SYTL5: variants seen among roughly 807,000 people sequenced by gnomAD.
The protein encoded by SYTL5 is synaptotagmin-like protein 5.
Under a neutral mutation model 55.9 loss-of-function variants are expected in SYTL5, and 34 were observed. The ratio of observed to expected loss-of-function variants is 0.61; its 90% CI spans 0.46 to 0.81. The LOEUF (loss-of-function observed/expected upper bound fraction) is 0.81. Among genes scored for constraint, SYTL5 ranks in the 30% least tolerant of loss-of-function variants. SYTL5 has a pLI of 0.00. For missense variants in SYTL5, 637 were observed against 546.7 expected, an observed-to-expected ratio of 1.17 and a Z score of -1.65; for synonymous variants, 221 against 188.7, an observed-to-expected ratio of 1.17 and a Z score of -1.40.
chrX:37,904,684 G>A, the SYTL5 span, among the ~76,000 whole-genome samples: 1 of 110,992 alleles, frequency 9.0e-6, no homozygotes, highest in African/African-American at 3.3e-5. Context: ...TTATGGGGGA[G>A]ATCTCAGTTT....
the SYTL5 span, among the ~76,000 whole-genome samples, chrX:37,891,406 G>A: frequency 8.9e-6 from 1 of 112,208 alleles, no homozygotes; most frequent in African/African-American, 3.2e-5. Flanking sequence ...TTCGATATAT[G>A]TAAAATGTCC....
chrX:37,895,480 C>G, the SYTL5 span, among the ~76,000 whole-genome samples: 1 of 84,624 alleles, frequency 1.2e-5, no homozygotes, highest in South Asian at 6.1e-4. Context: ...CTCCCTCTCT[C>G]TCTCTTTTTT....
intron 2 of SYTL5, among the ~76,000 whole-genome samples, chrX:38,043,690 T>TATATATATATACACAC (rs1366385489): frequency 2.2e-4 from 15 of 69,554 alleles, no homozygotes; most frequent in Non-Finnish European, 3.4e-4. Flanking sequence ...TATATATATA[T>TATATATATATACACAC]ACATATATAT....
chrX:37,971,336 A>C, the SYTL5 span, among the ~76,000 whole-genome samples: 1 of 111,516 alleles, frequency 9.0e-6, no homozygotes, highest in East Asian at 2.8e-4. Context: ...TTACATCATA[A>C]GGTAAGAAGA....
chrX:38,106,054 G>A (rs1044771162), intron 10 of SYTL5, among the ~76,000 whole-genome samples: 31 of 111,827 alleles, frequency 2.8e-4, no homozygotes, highest in African/African-American at 9.8e-4. Context: ...GGTATGTGAT[G>A]TTCTTCTGAT....
Position 38,094,418 on chromosome X carries a change from T to C in SYTL5, c.955T>C (p.Ser319Pro), listed in dbSNP as rs765159259. ...CATAGCAGTGTCTGGAACCTCTCTC[T>C]CCTCAGGTGGGTATTTACAATGTGC... The part of the protein sequence containing the change: ...PSIAVSGTSL[S>P]SDQSRSELDL... The change falls in exon 8 of 17, where the codon TCC (serine) becomes CCC (proline). Residue 319 changes from serine to proline, a missense_variant. Transcript: ENST00000297875. The C allele has an allele frequency of 3.3e-6, 4 of 1,195,955 alleles. No individual in the cohort carries two copies. Among genetic ancestry groups the C allele is most frequent in the Non-Finnish European group, 4.5e-6 (4 of 884,926 alleles).
chrX:37,899,386 G>A, the SYTL5 span, among the ~76,000 whole-genome samples: 1 of 110,926 alleles, frequency 9.0e-6, no homozygotes, highest in East Asian at 2.8e-4. Context: ...ATAAATCTTT[G>A]ATATTTCTTC....
At chrX:37,923,870 T>A in the SYTL5 span, among the ~76,000 whole-genome samples, 81 of 111,614 alleles carry the variant, frequency 7.3e-4, no homozygotes, top group African/African-American at 2.5e-3. Flanking sequence ...TTCCCTAGTG[T>A]GTTGTTCAAA....
chrX:37,905,012 T>C, the SYTL5 span, among the ~76,000 whole-genome samples: 1 of 111,295 alleles, frequency 9.0e-6, no homozygotes, highest in Non-Finnish European at 1.9e-5. Context: ...AGTTGACCTT[T>C]ACCAGAACAC....
chrX:38,062,460 T>C (rs1197192834), intron 3 of SYTL5, among the ~76,000 whole-genome samples: 1 of 112,000 alleles, frequency 8.9e-6, no homozygotes, highest in African/African-American at 3.2e-5. Context: ...CTGAAATAGA[T>C]GAAAAATACT....
At chrX:38,082,361 G>T (rs767751259) in intron 6 of SYTL5, among the ~76,000 whole-genome samples, 1 of 111,872 alleles carries the variant, frequency 8.9e-6, no homozygotes, top group East Asian at 2.8e-4. Context: ...CCACTCTCAG[G>T]GTAGCTAAGA....
intron 13 of SYTL5, among the ~76,000 whole-genome samples, chrX:38,118,928 TATA>T (rs1937535626): frequency 3.2e-5 from 3 of 93,889 alleles, no homozygotes; most frequent in African/African-American, 1.2e-4. Flanking sequence ...CTAATATATA[TATA>T]TATATATATG....
the SYTL5 span, among the ~76,000 whole-genome samples, chrX:37,944,219 A>G: frequency 9.1e-6 from 1 of 110,242 alleles, no homozygotes; most frequent in Admixed American, 9.7e-5. Context: ...TCACCATCCT[A>G]TGTATTCTTA....
Position 38,078,450 on chromosome X carries a change from C to T in SYTL5, c.689+1749C>T, listed in dbSNP as rs974169114. Among the ~76,000 whole-genome samples the T allele has an allele frequency of 1.2e-4, 13 of 109,927 alleles. No individual in the cohort carries two copies. The East Asian group carries it at 2.9e-3, about 24-fold the overall frequency. ...TAATTTTTTGTATTTTTAGTAGAGA[C>T]GGAGTTTCACCGTGTTAGCCAGGAC... is the stretch of plus-strand genomic sequence containing the variant. On this transcript the variant is annotated intron_variant, in intron 6 of 16. Coordinates refer to ENST00000297875, the MANE Select transcript of SYTL5 (RefSeq NM_138780.3).
chrX:37,941,431 C>A, the SYTL5 span, among the ~76,000 whole-genome samples: 11 of 111,714 alleles, frequency 9.8e-5, no homozygotes, highest in Non-Finnish European at 1.7e-4. Context: ...ATATGAAGTT[C>A]AGAGACCATA....
chrX:38,123,486 A>G (rs2147721391), intron 15 of SYTL5, among the ~76,000 whole-genome samples: 1 of 111,569 alleles, frequency 9.0e-6, no homozygotes, highest in South Asian at 3.8e-4. Flanking sequence ...GGGCCTCCCC[A>G]TTGGTGAGTG....
chrX:37,997,408 C>T, the SYTL5 span, among the ~76,000 whole-genome samples: 5 of 112,601 alleles, frequency 4.4e-5, no homozygotes, highest in East Asian at 8.4e-4. Context: ...ATCCAAATCG[C>T]GGCTGCAGAC....
rs1569180907 is a variant in SYTL5, at chrX:38,083,773, C to CGTGTGTGTGTGT, written c.690-5673_690-5672insGTGTGTGTGTGT. Among the ~76,000 whole-genome samples the CGTGTGTGTGTGT allele has an allele frequency of 7.7e-4, 31 of 40,200 alleles. No individual in the cohort carries two copies. In the Admixed American group the frequency reaches 8.7e-3, roughly 11 times the overall value. The allele number at this position is 40,200 out of a possible 115,157, so 34.9% of individuals were successfully genotyped here. A position where few individuals can be genotyped will look rare whatever the true frequency, so the allele number is the denominator to read the frequency against. Reference sequence around the variant, plus strand: ...AAAGAGTTTAGTTTTTAAATAGACTCATGTGTGTGTGTGTGTGTGTGTGTG... The same window carrying CGTGTGTGTGTGT: ...AAAGAGTTTAGTTTTTAAATAGACTCGTGTGTGTGTGTATGTGTGTGTGTGTGTGTGTGTGTG... On this transcript the variant is annotated intron_variant, in intron 6 of 16. Coordinates refer to ENST00000297875, the MANE Select transcript of SYTL5 (RefSeq NM_138780.3).
intron 1 of SYTL5, among the ~76,000 whole-genome samples, chrX:38,030,515 C>T (rs909569137): frequency 1.8e-5 from 2 of 111,907 alleles, no homozygotes; most frequent in African/African-American, 3.2e-5. Context: ...CTCTTATTAC[C>T]GAACCAGGCC....
Sources: allele counts gnomAD v4.1 joint callset (sites outside exome capture counted in the v4.1 genomes callset), GRCh38; gene constraint gnomAD v4.1.1; transcripts MANE v1.5; gene names NCBI Gene and HGNC (gene_info 2026-07-23, HGNC 2026-07-21).